The following CLSTN2 variants were observed in gnomAD, a reference collection of about 807,000 sequenced individuals.
CLSTN2 encodes calsyntenin-2.
Under a neutral mutation model 101.2 loss-of-function variants are expected in CLSTN2, and 48 were observed. The ratio of observed to expected loss-of-function variants is 0.47; its 90% CI spans 0.38 to 0.60. The LOEUF is 0.60. CLSTN2 is among the 20% of genes least tolerant of loss of function. The probability of loss-of-function intolerance (pLI) is 0.00; values close to 1 mark genes in which losing one functional copy is unlikely to be tolerated. For missense variants in CLSTN2, 1,160 were observed against 1,238.2 expected, an observed-to-expected ratio of 0.94 and a Z score of 0.95; for synonymous variants, 481 against 463.6, an observed-to-expected ratio of 1.04 and a Z score of -0.48.
At chr3:139,991,146 T>C (rs1936108075) in intron 1 of CLSTN2, among the ~76,000 whole-genome samples, 1 of 152,212 alleles carries the variant, frequency 6.6e-6, no homozygotes, top group African/African-American at 2.4e-5. Flanking sequence ...GCTGTGTTGA[T>C]GGAAATTGTG....
intron 5 of CLSTN2, among the ~76,000 whole-genome samples, chr3:140,432,695 A>C (rs1208698454): frequency 6.6e-6 from 1 of 152,186 alleles, no homozygotes; most frequent in African/African-American, 2.4e-5. Flanking sequence ...GCCAGATAAA[A>C]GTGCCCATGC....
intron 2 of CLSTN2, among the ~76,000 whole-genome samples, chr3:140,330,791 T>A (rs1354969330): frequency 6.6e-6 from 1 of 152,198 alleles, no homozygotes; most frequent in Non-Finnish European, 1.5e-5. Flanking sequence ...TCTGTGCACA[T>A]CTAACCTGGA....
chr3:140,425,286 G>T (rs149690752), intron 5 of CLSTN2, among the ~76,000 whole-genome samples: 2 of 152,104 alleles, frequency 1.3e-5, no homozygotes, highest in Non-Finnish European at 2.9e-5. Flanking sequence ...TCCTTCCTTC[G>T]CAGGGCCCAT....
chr3:140,139,170 G>T (rs537632379), intron 1 of CLSTN2, among the ~76,000 whole-genome samples: 2 of 152,300 alleles, frequency 1.3e-5, no homozygotes, highest in South Asian at 4.1e-4. Flanking sequence ...AGAGCATGTT[G>T]CAGTAGAGTG....
intron 1 of CLSTN2, among the ~76,000 whole-genome samples, chr3:139,992,906 TA>T (rs1936140067): frequency 6.6e-6 from 1 of 152,218 alleles, no homozygotes. Flanking sequence ...AGACTACACT[TA>T]AGAGTGTACT....
At chr3:140,160,020 G>C (rs536863871) in intron 1 of CLSTN2, among the ~76,000 whole-genome samples, 1 of 152,018 alleles carries the variant, frequency 6.6e-6, no homozygotes, top group Non-Finnish European at 1.5e-5. Context: ...GGGGAAAGTA[G>C]CATGGGGAGA....
chr3:140,378,018 A>G (rs1310700122), intron 2 of CLSTN2, among the ~76,000 whole-genome samples: 1 of 152,216 alleles, frequency 6.6e-6, no homozygotes, highest in Non-Finnish European at 1.5e-5. Flanking sequence ...ATACACACGT[A>G]GTTACTATTT....
intron 8 of CLSTN2, among the ~76,000 whole-genome samples, chr3:140,517,837 T>C (rs974759317): frequency 1.3e-5 from 2 of 152,126 alleles, no homozygotes; most frequent in Non-Finnish European, 2.9e-5. Context: ...GCATCAGCTG[T>C]GGTGGTAATA....
intron 9 of CLSTN2, among the ~76,000 whole-genome samples, chr3:140,538,496 G>A (rs1161143857): frequency 2.0e-5 from 3 of 152,226 alleles, no homozygotes; most frequent in African/African-American, 7.2e-5. Flanking sequence ...AATAACCCCT[G>A]AGAGTTGCAG....
intron 2 of CLSTN2, among the ~76,000 whole-genome samples, chr3:140,196,860 CT>C (rs1448301414): frequency 6.6e-6 from 1 of 152,228 alleles, no homozygotes; most frequent in African/African-American, 2.4e-5. Context: ...CATTATTTCT[CT>C]CCTGCTCTTG....
chr3:140,010,170 A>G (rs2007042852), intron 1 of CLSTN2, among the ~76,000 whole-genome samples: 1 of 152,214 alleles, frequency 6.6e-6, no homozygotes, highest in Admixed American at 6.5e-5. Flanking sequence ...TGTTGAATGA[A>G]TAAAAGTAAC....
chr3:140,465,461 T>C (rs551111), intron 7 of CLSTN2, among the ~76,000 whole-genome samples: 106,472 of 152,032 alleles, frequency 0.7, 37,436 homozygotes, highest in Middle Eastern at 0.79. Context: ...CTGACAGAAG[T>C]TTTGAAGCCA....
At chr3:140,237,943 T>C (rs2086431015) in intron 2 of CLSTN2, among the ~76,000 whole-genome samples, 1 of 152,212 alleles carries the variant, frequency 6.6e-6, no homozygotes, top group African/African-American at 2.4e-5. Flanking sequence ...CTTTAGGCTC[T>C]GCTGTCTCAA....
intron 2 of CLSTN2, among the ~76,000 whole-genome samples, chr3:140,290,630 C>T (rs1186126314): frequency 6.6e-6 from 1 of 152,194 alleles, no homozygotes; most frequent in Non-Finnish European, 1.5e-5. Flanking sequence ...AAGCGACTGA[C>T]AAGGAAAGGC....
At chr3:140,064,269 G>A (rs1052909045) in intron 1 of CLSTN2, among the ~76,000 whole-genome samples, 17 of 152,288 alleles carry the variant, frequency 1.1e-4, no homozygotes, top group Middle Eastern at 3.4e-3. Context: ...TGTAGGGAGC[G>A]TCTACTTATG....
intron 2 of CLSTN2, among the ~76,000 whole-genome samples, chr3:140,266,561 C>G (rs1472158774): frequency 1.3e-5 from 2 of 152,166 alleles, no homozygotes; most frequent in Non-Finnish European, 2.9e-5. Flanking sequence ...GTTTACCTAT[C>G]TATTCCTAAA....
intron 2 of CLSTN2, among the ~76,000 whole-genome samples, chr3:140,286,458 G>A (rs1048281781): frequency 6.6e-6 from 1 of 152,298 alleles, no homozygotes; most frequent in South Asian, 2.1e-4. Context: ...TGATGTCCCT[G>A]ACAAATTAGG....
In CLSTN2 at chr3:140,373,993, C is replaced by T. The variant is rs62268033; in HGVS notation, c.233-29636C>T. Reference sequence around the variant, plus strand: ...CTTCTCTGCAGGCTCCAGTTGCAGGCCCTTGTCACTGAGCCTGGATGGCTT... The same window carrying T: ...CTTCTCTGCAGGCTCCAGTTGCAGGTCCTTGTCACTGAGCCTGGATGGCTT... On this transcript the variant is annotated intron_variant, in intron 2 of 16. Transcript: ENST00000458420. 2.2e-3 allele frequency among the ~76,000 whole-genome samples: 332 copies of T among 152,272 alleles called. 1 individual carries two copies. The highest frequency in any genetic ancestry group is 7.6e-3 in the African/African-American group (315 of 41,542).
chr3:140,431,584 C>A (rs539919474), intron 5 of CLSTN2, among the ~76,000 whole-genome samples: 1 of 152,332 alleles, frequency 6.6e-6, no homozygotes, highest in East Asian at 1.9e-4. Flanking sequence ...AACCTCTCTT[C>A]TCCCTGTCCC....
Sources: allele counts gnomAD v4.1 joint callset (sites outside exome capture counted in the v4.1 genomes callset), GRCh38; gene constraint gnomAD v4.1.1; transcripts MANE v1.5; gene names NCBI Gene and HGNC (gene_info 2026-07-23, HGNC 2026-07-21).